ZNF655: variants seen among roughly 807,000 people sequenced by gnomAD.
The protein encoded by ZNF655 is zinc finger protein 655, also known as Vav-interacting Kruppel-like protein 1.
A neutral mutation model predicts 6.6 loss-of-function variants in ZNF655; 3 were observed. That is an observed-to-expected ratio of 0.46 (90% CI 0.21 to 1.18). The LOEUF (loss-of-function observed/expected upper bound fraction) is 1.18, where lower values mean the gene tolerates loss of function less well. Ranked by LOEUF, ZNF655 falls within the 50% of genes most tolerant of loss-of-function variation. The pLI is 0.24. For missense variants in ZNF655, 526 were observed against 572.3 expected (o/e 0.92, Z 0.83); for synonymous variants, 178 against 195.0 (o/e 0.91, Z 0.73).
chr7:99,571,900 G>A (rs75245079), intron 2 of ZNF655: 21,281 of 708,086 alleles, frequency 0.03, 414 homozygotes, highest in Admixed American at 0.058. Context: ...GTGTGTCCTA[G>A]CATGGAGAGT....
At chr7:99,562,531 ATTTC>A in intron 2 of ZNF655, 1 of 1,594,702 alleles carries the variant, frequency 6.3e-7, no homozygotes, top group Non-Finnish European at 8.5e-7. Context: ...ATCTATTTGA[ATTTC>A]TTTACTTTCT....
intron 2 of ZNF655, chr7:99,564,239 A>T (rs1803458379): frequency 7.4e-7 from 1 of 1,354,052 alleles, no homozygotes; most frequent in African/African-American, 1.5e-5. Context: ...GTCATCATCT[A>T]CTTGTATTGT....
At chr7:99,559,785 ATTTTTTT>A (rs60274417) in intron 1 of ZNF655, among the ~76,000 whole-genome samples, 25 of 119,264 alleles carry the variant, frequency 2.1e-4, no homozygotes, top group East Asian at 4.6e-4. Flanking sequence ...GGGCCACCTA[ATTTTTTT>A]TTTTTTTTTT....
intron 2 of ZNF655, chr7:99,570,219 G>A (rs1395074422): frequency 6.6e-6 from 1 of 152,168 alleles, no homozygotes; most frequent in Non-Finnish European, 1.5e-5. Context: ...GTTAAAAGTT[G>A]CAAATTATGT....
intron 2 of ZNF655, 171 bp downstream of exon 2, chr7:99,560,866 C>T (rs1221438756): frequency 3.1e-6 from 2 of 646,566 alleles, no homozygotes; most frequent in Non-Finnish European, 2.4e-6. Flanking sequence ...AGTCTGAGCC[C>T]CTTTATTAAG....
intron 2 of ZNF655, 73 bp from the exon 3 acceptor site, chr7:99,572,172 C>G: frequency 6.9e-7 from 1 of 1,453,934 alleles, no homozygotes; most frequent in Non-Finnish European, 9.1e-7. Flanking sequence ...GTTTAGTTTT[C>G]TCATCTGAGT....
At chr7:99,563,765 T>C in intron 2 of ZNF655, 2 of 1,417,892 alleles carry the variant, frequency 1.4e-6, no homozygotes, top group East Asian at 2.3e-5. Flanking sequence ...TCCCTGATTA[T>C]GCTCAGGATT....
intron 2 of ZNF655, chr7:99,564,604 T>C (rs1047981212): frequency 2.0e-6 from 2 of 985,382 alleles, no homozygotes; most frequent in African/African-American, 3.5e-5. Context: ...GGGCATCAAA[T>C]TGAATATCTA....
chr7:99,563,937 A>C, intron 2 of ZNF655: 1 of 1,613,876 alleles, frequency 6.2e-7, no homozygotes. Flanking sequence ...TACCCAGGCA[A>C]GTGCTTTCTC....
intron 2 of ZNF655, among the ~76,000 whole-genome samples, chr7:99,566,970 AG>A (rs1346284588): frequency 3.3e-5 from 5 of 152,104 alleles, no homozygotes; most frequent in Non-Finnish European, 7.4e-5. Flanking sequence ...CTCAGGCTGG[AG>A]TGTGGTGGCA....
At position 99,572,445 on chromosome 7, in the gene ZNF655, T is replaced by A; in HGVS notation, c.337T>A (p.Phe113Ile). ...GAAATTTCTGTACCTGGAGAGAGAG[T>A]TTAGGCAAATAACAATCAGCAAGGA... ...LRKFLYLERE[F>I]RQITISKETF... is the part of the protein sequence containing the mutation. Residue 113 changes from phenylalanine (F) to isoleucine (I), a missense_variant, in exon 3 of 3, where the codon TTT becomes ATT. Coordinates refer to ENST00000252713, the MANE Select transcript of ZNF655 (RefSeq NM_138494.3). 6.2e-7 allele frequency: 1 copy of A among 1,613,416 alleles called. No individual in the cohort carries two copies. Among genetic ancestry groups the A allele is most frequent in the Non-Finnish European group, 8.5e-7 (1 of 1,179,812 alleles).
intron 2 of ZNF655, 121 bp downstream of exon 2, chr7:99,560,816 A>C (rs1803084046): frequency 7.7e-7 from 1 of 1,294,226 alleles, no homozygotes; most frequent in Non-Finnish European, 1.1e-6. Flanking sequence ...CCCTAGAGGG[A>C]GGAATGAAAG....
intron 2 of ZNF655, 97 bp from the exon 3 acceptor site, chr7:99,572,147 TG>T: frequency 9.9e-6 from 13 of 1,317,502 alleles, no homozygotes; most frequent in Non-Finnish European, 1.3e-5. Context: ...TTCTTGTCCT[TG>T]TAGATACTAC....
Position 99,572,741 on chromosome 7 carries a change from C to G in ZNF655, c.633C>G (p.Ser211=). ...KWESIPNTEK[S]YKCDVCGKIF... is the part of the protein sequence containing the mutation. ...AGAGCATCCCTAACACTGAGAAATC[C>G]TATAAATGTGATGTATGTGGGAAAA... The change falls in exon 3 of 3, where the codon TCC becomes TCG. Residue 211 remains serine, a synonymous_variant. Transcript: ENST00000252713. 6.2e-7 allele frequency: 1 copy of G among 1,613,124 alleles called. No individual in the cohort carries two copies. The highest frequency in any genetic ancestry group is 8.5e-7 in the Non-Finnish European group (1 of 1,179,916).
intron 2 of ZNF655, among the ~76,000 whole-genome samples, chr7:99,567,154 A>T (rs1803693303): frequency 6.6e-6 from 1 of 152,178 alleles, no homozygotes; most frequent in South Asian, 2.1e-4. Flanking sequence ...TCTTGGCCTC[A>T]TGTGTTCCAC....
intron 2 of ZNF655, chr7:99,564,324 T>C: frequency 3.4e-6 from 4 of 1,186,970 alleles, no homozygotes; most frequent in Non-Finnish European, 4.2e-6. Context: ...AAACTTATGC[T>C]GTGTGCCCCT....
At chr7:99,571,706 C>G in intron 2 of ZNF655, 5 of 1,609,232 alleles carry the variant, frequency 3.1e-6, no homozygotes, top group Non-Finnish European at 4.2e-6. Context: ...ATTTCCAAGC[C>G]TGATGGGATC....
In ZNF655 at chr7:99,573,610, A is replaced by T. The variant is rs1468366773; in HGVS notation, c.*26A>T. Reference sequence around the variant, plus strand: ...ATGTAATGAAGATGGGAAGATATTTATCAAATTCAGGCTTCATTCAGCATC... The same window carrying T: ...ATGTAATGAAGATGGGAAGATATTTTTCAAATTCAGGCTTCATTCAGCATC... On this transcript the variant is annotated 3_prime_UTR_variant, in exon 3 of 3. Transcript: ENST00000252713. 6.3e-7 allele frequency: 1 copy of T among 1,579,890 alleles called. No homozygotes were observed. Among genetic ancestry groups the T allele is most frequent in the African/African-American group, 1.3e-5 (1 of 74,220 alleles).
intron 2 of ZNF655, among the ~76,000 whole-genome samples, chr7:99,568,359 T>G (rs1426979329): frequency 6.6e-6 from 1 of 150,622 alleles, no homozygotes; most frequent in Non-Finnish European, 1.5e-5. Context: ...CAAGCGATTC[T>G]CCTTCCTCAG....
Sources: allele counts gnomAD v4.1 joint callset (sites outside exome capture counted in the v4.1 genomes callset), GRCh38; gene constraint gnomAD v4.1.1; transcripts MANE v1.5; gene names NCBI Gene and HGNC (gene_info 2026-07-23, HGNC 2026-07-21).